The following CCDC158 variants were observed in gnomAD, a reference collection of about 807,000 sequenced individuals.
CCDC158 encodes coiled-coil domain containing 158.
Under a neutral mutation model 138.6 loss-of-function variants are expected in CCDC158, and 116 were observed. That is an observed-to-expected ratio of 0.84 (90% confidence interval 0.72 to 0.98). CCDC158 has a LOEUF of 0.98. CCDC158 is among the 50% of genes least tolerant of loss of function. The pLI is 0.00. For synonymous variants in CCDC158, 436 were observed against 442.4 expected, an observed-to-expected ratio of 0.99 and a Z score of 0.18; for missense variants, 1,265 against 1,306.1, an observed-to-expected ratio of 0.97 and a Z score of 0.48.
chr4:76,400,904 G>T (rs563307766), intron 3 of CCDC158, among the ~76,000 whole-genome samples: 22 of 152,256 alleles, frequency 1.4e-4, no homozygotes, highest in African/African-American at 5.1e-4. Flanking sequence ...CTGAAATAAG[G>T]AATGATACAA....
At chr4:76,318,189 T>C (rs28856635) in intron 24 of CCDC158, among the ~76,000 whole-genome samples, 4,050 of 150,926 alleles carry the variant, frequency 0.027, 173 homozygotes, top group African/African-American at 0.094. Flanking sequence ...TTGAAGTAAA[T>C]AAATAAAAAA....
At chr4:76,336,802 C>G (rs192232416) in intron 18 of CCDC158, among the ~76,000 whole-genome samples, 48 of 152,262 alleles carry the variant, frequency 3.2e-4, no homozygotes, top group Admixed American at 3.1e-3. Flanking sequence ...AGAACTGTCC[C>G]CCTTGCTTGA....
chr4:76,320,070 A>G (rs1578852858), intron 24 of CCDC158, among the ~76,000 whole-genome samples: 1 of 152,206 alleles, frequency 6.6e-6, no homozygotes, highest in African/African-American at 2.4e-5. Context: ...AAGCTCCTAG[A>G]TCTGATAAAT....
chr4:76,420,956 C>A lies in CCDC158; in HGVS notation c.-117+9G>T, dbSNP rs1730072866. 6.6e-6 allele frequency among the ~76,000 whole-genome samples: 1 copy of A among 152,158 alleles called. No individual in the cohort carries two copies. The highest frequency in any genetic ancestry group is 2.4e-5 in the African/African-American group (1 of 41,450). On this transcript the variant is annotated intron_variant, in intron 1 of 24. Coordinates refer to ENST00000682701, the MANE Select transcript of CCDC158 (RefSeq NM_001394954.1). ...CATCCTCGTCTCCCGGGCCGCGCCC[C>A]GCTTGTACCTGCAACCAACACCTAA...
chr4:76,408,447 T>C (rs536912112), intron 2 of CCDC158, among the ~76,000 whole-genome samples: 40 of 152,264 alleles, frequency 2.6e-4, no homozygotes, highest in Non-Finnish European at 5.0e-4. Flanking sequence ...TTTGGTTTTT[T>C]GTCCTTGTGA....
At chr4:76,381,014 T>A (rs1726187665) in intron 8 of CCDC158, among the ~76,000 whole-genome samples, 1 of 152,220 alleles carries the variant, frequency 6.6e-6, no homozygotes, top group Non-Finnish European at 1.5e-5. Context: ...GAGTTGAGGT[T>A]TGGAAACCTC....
At chr4:76,385,543 A>G (rs2110317159) in intron 4 of CCDC158, among the ~76,000 whole-genome samples, 1 of 152,318 alleles carries the variant, frequency 6.6e-6, no homozygotes, top group Admixed American at 6.5e-5. Flanking sequence ...TCAATTCAAT[A>G]GAAATGTTGC....
intron 18 of CCDC158, 35 bp from the exon 19 acceptor site, chr4:76,334,202 T>G (rs769811878): frequency 1.6e-5 from 24 of 1,484,060 alleles, no homozygotes; most frequent in Non-Finnish European, 1.4e-5. Flanking sequence ...CACTTATTTT[T>G]TCAGATTTCT....
Position 76,399,691 on chromosome 4 carries a change from T to C in CCDC158, c.71-3205A>G, listed in dbSNP as rs192500564. Among the ~76,000 whole-genome samples the C allele has an allele frequency of 1.6e-3, 239 of 152,216 alleles. 2 individuals are homozygous for C. Among genetic ancestry groups the C allele is most frequent in the African/African-American group, 5.4e-3 (226 of 41,534 alleles). The stretch of plus-strand genomic sequence containing the variant: ...GAAGGAGAGATCAGGAAGGGATAGT[T>C]TGGGGAAAAGGGTTTTTGTCATTTT... On this transcript the variant is annotated intron_variant, in intron 3 of 24. Transcript: ENST00000682701.
At chr4:76,393,183 T>G (rs1324346731) in intron 4 of CCDC158, among the ~76,000 whole-genome samples, 1 of 151,974 alleles carries the variant, frequency 6.6e-6, no homozygotes, top group Non-Finnish European at 1.5e-5. Flanking sequence ...AAAGCTATCC[T>G]CAACAAAAAG....
intron 9 of CCDC158, among the ~76,000 whole-genome samples, chr4:76,373,631 CTCTT>C (rs534647721): frequency 5.3e-4 from 81 of 152,232 alleles, no homozygotes; most frequent in Admixed American, 7.8e-4. Flanking sequence ...ACACACATCT[CTCTT>C]TAATAATAAT....
chr4:76,414,098 G>A (rs28582269), intron 1 of CCDC158, among the ~76,000 whole-genome samples: 4,473 of 152,090 alleles, frequency 0.029, 223 homozygotes, highest in African/African-American at 0.1. Context: ...TAGTAGAGAC[G>A]GGGTTTTGCC....
intron 18 of CCDC158, among the ~76,000 whole-genome samples, chr4:76,349,002 T>G (rs1259085648): frequency 6.6e-6 from 1 of 152,080 alleles, no homozygotes; most frequent in African/African-American, 2.4e-5. Context: ...CCAGCACATC[T>G]AGGCACATGA....
At position 76,382,712 on chromosome 4, in the gene CCDC158, T is replaced by G; in HGVS notation, c.812A>C (p.Gln271Pro). The stretch of plus-strand genomic sequence containing the variant: ...TTCAACTTCATGTTCACTTATTAAC[T>G]GCTCAATCCTATAAAAAGAATGTGG... ...LLQQHQDRIE[Q>P]LISEHEVEIT... Residue 271 changes from glutamine to proline, a missense_variant, in exon 8 of 25, where the codon CAG becomes CCG. Coordinates refer to ENST00000682701, the MANE Select transcript of CCDC158 (RefSeq NM_001394954.1). The G allele has an allele frequency of 6.2e-7, 1 of 1,602,116 alleles. No homozygotes were observed. The highest frequency in any genetic ancestry group is 8.5e-7 in the Non-Finnish European group (1 of 1,170,512).
At chr4:76,400,425 T>G (rs10017676) in intron 3 of CCDC158, among the ~76,000 whole-genome samples, 3,940 of 138,650 alleles carry the variant, frequency 0.028, 205 homozygotes, top group African/African-American at 0.1. Flanking sequence ...GAGGGGGGAG[T>G]GATAGCATTA....
At chr4:76,341,554 T>G (rs1432350176) in intron 18 of CCDC158, among the ~76,000 whole-genome samples, 6 of 152,212 alleles carry the variant, frequency 3.9e-5, no homozygotes, top group Admixed American at 1.3e-4. Flanking sequence ...TAACAAATTG[T>G]AGTGCATAGG....
At chr4:76,370,334 G>C (rs1387151632) in intron 10 of CCDC158, among the ~76,000 whole-genome samples, 1 of 152,218 alleles carries the variant, frequency 6.6e-6, no homozygotes, top group African/African-American at 2.4e-5. Flanking sequence ...AAGATGTAGA[G>C]ATTAGGAAGA....
intron 22 of CCDC158, 76 bp downstream of exon 22, chr4:76,328,824 A>G (rs1225687159): frequency 8.6e-7 from 1 of 1,158,068 alleles, no homozygotes; most frequent in Non-Finnish European, 1.3e-6. Context: ...AGATACTGCA[A>G]TGACTTTGGC....
intron 24 of CCDC158, among the ~76,000 whole-genome samples, chr4:76,315,969 T>A (rs916318133): frequency 4.6e-5 from 7 of 152,130 alleles, no homozygotes; most frequent in African/African-American, 1.7e-4. Flanking sequence ...AATCTGAACC[T>A]TGAGTTCCGG....
Sources: gnomAD v4.1 joint callset for allele counts (sites outside exome capture counted in the v4.1 genomes callset) on GRCh38, gnomAD v4.1.1 for gene constraint, MANE v1.5 for transcripts, NCBI Gene and HGNC (gene_info 2026-07-23, HGNC 2026-07-21) for gene names.